The following RBMS3 variants were observed in gnomAD, a reference collection of about 807,000 sequenced individuals.
RBMS3 encodes the protein RNA-binding motif, single-stranded-interacting protein 3.
Under a neutral mutation model 66.8 loss-of-function variants are expected in RBMS3, and 27 were observed. That is an observed-to-expected ratio of 0.40 (90% CI 0.30 to 0.56). The LOEUF (loss-of-function observed/expected upper bound fraction) is 0.56. Ranked by LOEUF, RBMS3 falls within the 20% of genes least tolerant of loss-of-function variation. The pLI is 0.40. For missense variants in RBMS3, 513 were observed against 549.5 expected (o/e 0.93, Z 0.66); for synonymous variants, 188 against 183.0 (o/e 1.03, Z -0.22).
chr3:29,638,603 C>T (rs775434691), intron 4 of RBMS3, among the ~76,000 whole-genome samples: 1 of 151,802 alleles, frequency 6.6e-6, no homozygotes, highest in Non-Finnish European at 1.5e-5. Context: ...CAGTACAATT[C>T]GCAATTCTTG....
intron 6 of RBMS3, among the ~76,000 whole-genome samples, chr3:29,859,953 A>G (rs57449578): frequency 0.4 from 60,533 of 152,026 alleles, 13,441 homozygotes; most frequent in African/African-American, 0.61. Context: ...CATAGGGCAC[A>G]TGTGGAAAAG....
chr3:29,985,556 G>A (rs1309925390), intron 12 of RBMS3, among the ~76,000 whole-genome samples: 7 of 152,154 alleles, frequency 4.6e-5, no homozygotes, highest in Admixed American at 4.6e-4. Flanking sequence ...CAGAATGCAT[G>A]TTCCTTACCG....
intron 6 of RBMS3, among the ~76,000 whole-genome samples, chr3:29,763,527 C>T (rs2149384173): frequency 6.6e-6 from 1 of 152,146 alleles, no homozygotes; most frequent in East Asian, 1.9e-4. Context: ...TTAGAAAATA[C>T]TGTCTATTTA....
chr3:29,874,574 A>G (rs1017229619), intron 7 of RBMS3, among the ~76,000 whole-genome samples: 1 of 152,200 alleles, frequency 6.6e-6, no homozygotes, highest in African/African-American at 2.4e-5. Context: ...GATTATTTAC[A>G]TATGTGATCT....
intron 12 of RBMS3, among the ~76,000 whole-genome samples, chr3:29,961,512 C>T (rs1490722735): frequency 2.0e-5 from 3 of 152,078 alleles, no homozygotes; most frequent in Admixed American, 6.5e-5. Flanking sequence ...CTAGTCTGTT[C>T]TCATGCTGCT....
chr3:29,785,111 G>C (rs1254096583), intron 6 of RBMS3, among the ~76,000 whole-genome samples: 1 of 152,036 alleles, frequency 6.6e-6, no homozygotes, highest in Admixed American at 6.6e-5. Flanking sequence ...ATTGGTGCCA[G>C]TCCTATTGAC....
At chr3:29,514,516 G>C (rs2044533809) in intron 3 of RBMS3, among the ~76,000 whole-genome samples, 1 of 151,686 alleles carries the variant, frequency 6.6e-6, no homozygotes, top group South Asian at 2.1e-4. Flanking sequence ...AATGTGATTT[G>C]ATCCAACATT....
chr3:29,589,628 C>T (rs1205971101), intron 4 of RBMS3, among the ~76,000 whole-genome samples: 2 of 152,072 alleles, frequency 1.3e-5, no homozygotes, highest in Non-Finnish European at 2.9e-5. Flanking sequence ...ACTGTATTAG[C>T]AGATTTCTCA....
At chr3:29,741,065 A>G (rs2054621371) in intron 5 of RBMS3, among the ~76,000 whole-genome samples, 1 of 151,688 alleles carries the variant, frequency 6.6e-6, no homozygotes, top group Non-Finnish European at 1.5e-5. Context: ...AAGAAAAACC[A>G]TTCCAAACTA....
At chr3:29,505,112 T>C (rs1055570222) in intron 3 of RBMS3, among the ~76,000 whole-genome samples, 28 of 152,118 alleles carry the variant, frequency 1.8e-4, no homozygotes, top group African/African-American at 6.3e-4. Context: ...TTTAGTGTCA[T>C]GTCCAATAAA....
chr3:29,406,054 C>A (rs2040005212), intron 1 of RBMS3, among the ~76,000 whole-genome samples: 2 of 152,118 alleles, frequency 1.3e-5, no homozygotes, highest in South Asian at 4.1e-4. Context: ...CAAATAAACA[C>A]CCAGACTATG....
intron 5 of RBMS3, among the ~76,000 whole-genome samples, chr3:29,751,351 T>C (rs1373511409): frequency 6.6e-6 from 1 of 150,926 alleles, no homozygotes; most frequent in Non-Finnish European, 1.5e-5. Flanking sequence ...CCATAAACCT[T>C]TTATAACCTT....
intron 1 of RBMS3, among the ~76,000 whole-genome samples, chr3:29,356,829 A>T (rs949634631): frequency 6.6e-6 from 1 of 152,180 alleles, no homozygotes; most frequent in African/African-American, 2.4e-5. Flanking sequence ...TTAAGGGTTA[A>T]TGATAGCATT....
intron 10 of RBMS3, among the ~76,000 whole-genome samples, chr3:29,915,994 G>A (rs1314448802): frequency 3.9e-5 from 6 of 152,026 alleles, no homozygotes; most frequent in Admixed American, 2.6e-4. Context: ...TGCTTATGAA[G>A]TTATGTAGAC....
At chr3:29,471,592 G>A (rs1395250650) in intron 2 of RBMS3, among the ~76,000 whole-genome samples, 7 of 152,012 alleles carry the variant, frequency 4.6e-5, no homozygotes, top group Non-Finnish European at 7.4e-5. Flanking sequence ...AGCCTTGAAG[G>A]GAACCTACCT....
intron 6 of RBMS3, among the ~76,000 whole-genome samples, chr3:29,819,342 G>A (rs2058011320): frequency 6.6e-6 from 1 of 152,144 alleles, no homozygotes; most frequent in Admixed American, 6.6e-5. Context: ...ATAAAAAGCA[G>A]CCATAAACAA....
chr3:29,696,513 T>A (rs2052283760), intron 4 of RBMS3, among the ~76,000 whole-genome samples: 1 of 152,206 alleles, frequency 6.6e-6, no homozygotes. Context: ...TCACACACTG[T>A]ATGAGAACTG....
intron 1 of RBMS3, among the ~76,000 whole-genome samples, chr3:29,344,798 A>G (rs553409249): frequency 6.6e-6 from 1 of 152,202 alleles, no homozygotes; most frequent in African/African-American, 2.4e-5. Flanking sequence ...AGGATTATTT[A>G]AATTTTTCAA....
intron 6 of RBMS3, among the ~76,000 whole-genome samples, chr3:29,862,577 G>C (rs991327372): frequency 3.3e-5 from 5 of 152,070 alleles, no homozygotes; most frequent in African/African-American, 1.2e-4. Flanking sequence ...GGGAGTCAAA[G>C]AGGGCTTCCT....
Sources: gnomAD v4.1 joint callset for allele counts (sites outside exome capture counted in the v4.1 genomes callset) on GRCh38, gnomAD v4.1.1 for gene constraint, MANE v1.5 for transcripts, NCBI Gene and HGNC (gene_info 2026-07-23, HGNC 2026-07-21) for gene names.